Variants in NMUR2 observed in about 807,000 individuals in gnomAD.
NMUR2 encodes the protein neuromedin U receptor 2.
NMUR2 carries 24 observed loss-of-function variants against 25.1 expected under a neutral mutation model. That is an observed-to-expected ratio of 0.96 (90% CI 0.69 to 1.34). The LOEUF (loss-of-function observed/expected upper bound fraction) is 1.34, where lower values mean the gene tolerates loss of function less well. Among genes scored for constraint, NMUR2 ranks in the 40% most tolerant of loss-of-function variants. The pLI, the probability that NMUR2 is intolerant of heterozygous loss-of-function variation, is 0.00. For missense variants in NMUR2, 533 were observed against 512.8 expected, an observed-to-expected ratio of 1.04 and a Z score of -0.38; for synonymous variants, 218 against 208.1, an observed-to-expected ratio of 1.05 and a Z score of -0.41.
chr5:152,392,568 C>G, intron 3 of NMUR2, 67 bp from the exon 4 acceptor site: 1 of 1,289,808 alleles, frequency 7.8e-7, no homozygotes, highest in Non-Finnish European at 1.1e-6. Flanking sequence ...AAGGAAGAAG[C>G]ATAAATATTT....
At chr5:152,394,011 GAGATTT>G (rs1753106685) in intron 3 of NMUR2, among the ~76,000 whole-genome samples, 2 of 150,474 alleles carry the variant, frequency 1.3e-5, no homozygotes, top group Non-Finnish European at 3.0e-5. Context: ...TAGGGTTTAA[GAGATTT>G]AGATTTAATC....
intron 1 of NMUR2, 57 bp from the exon 2 acceptor site, chr5:152,398,201 T>C: frequency 1.6e-6 from 2 of 1,274,444 alleles, no homozygotes; most frequent in Non-Finnish European, 2.3e-6. Context: ...TTTCCTCCTG[T>C]TAAAATCTGA....
In NMUR2 at chr5:152,404,532, A is replaced by G; in HGVS notation, c.582T>C (p.Asn194=). The change falls in exon 1 of 4, where the codon AAT becomes AAC. Residue 194 remains asparagine, a synonymous_variant. Coordinates refer to ENST00000255262, the MANE Select transcript of NMUR2 (RefSeq NM_020167.5). The part of the protein sequence containing the change: ...IHGIKFHYFP[N]GSLVPGSATC... ...TGGCCGAACCTGGGACCAGGGACCC[A>G]TTGGGGAAGTAGTGGAACTTGATGC... 6.2e-7 allele frequency: 1 copy of G among 1,614,138 alleles called. No homozygotes were observed. Among genetic ancestry groups the G allele is most frequent in the Non-Finnish European group, 8.5e-7 (1 of 1,180,026 alleles).
At chr5:152,403,738 CTA>C (rs1753297026) in intron 1 of NMUR2, among the ~76,000 whole-genome samples, 1 of 147,186 alleles carries the variant, frequency 6.8e-6, no homozygotes, top group African/African-American at 2.5e-5. Context: ...ATATATATGA[CTA>C]TATATTATAT....
chr5:152,397,603 T>C (rs1753182333), intron 2 of NMUR2, among the ~76,000 whole-genome samples: 1 of 152,050 alleles, frequency 6.6e-6, no homozygotes, highest in African/African-American at 2.4e-5. Context: ...TCATTTTTTT[T>C]TTTTTTTGGA....
At chr5:152,395,674 C>A in intron 2 of NMUR2, 90 bp from the exon 3 acceptor site, 13 of 1,450,150 alleles carry the variant, frequency 9.0e-6, no homozygotes, top group Non-Finnish European at 1.1e-5. Flanking sequence ...TTTCTTCTGG[C>A]AGTTTTTCCC....
chr5:152,392,698 CA>C (rs1258668094), intron 3 of NMUR2, among the ~76,000 whole-genome samples, 197 bp from the exon 4 acceptor site: 5 of 152,158 alleles, frequency 3.3e-5, no homozygotes, highest in Non-Finnish European at 7.4e-5. Context: ...CCATCAAACA[CA>C]AAGATTAAAG....
intron 3 of NMUR2, among the ~76,000 whole-genome samples, chr5:152,393,748 T>A (rs1163933032): frequency 6.6e-6 from 1 of 152,090 alleles, no homozygotes; most frequent in Non-Finnish European, 1.5e-5. Context: ...ACTGTGATAA[T>A]CATAAAAGAT....
At chr5:152,392,537 A>G in intron 3 of NMUR2, 36 bp from the exon 4 acceptor site, 1 of 1,531,290 alleles carries the variant, frequency 6.5e-7, no homozygotes, top group South Asian at 1.2e-5. Context: ...TGTGCTGAGA[A>G]GAACTTAAGT....
intron 3 of NMUR2, among the ~76,000 whole-genome samples, chr5:152,392,738 G>A (rs565302123): frequency 6.6e-6 from 1 of 152,180 alleles, no homozygotes; most frequent in African/African-American, 2.4e-5. Flanking sequence ...GCTGACATGG[G>A]ATCTCTCTGA....
chr5:152,393,561 T>G (rs920587026), intron 3 of NMUR2, among the ~76,000 whole-genome samples: 16 of 152,230 alleles, frequency 1.1e-4, no homozygotes, highest in African/African-American at 3.9e-4. Context: ...TCAAAGCACA[T>G]TGGGAGGTAG....
chr5:152,400,011 C>G (rs1753226686), intron 1 of NMUR2, among the ~76,000 whole-genome samples: 1 of 152,094 alleles, frequency 6.6e-6, no homozygotes, highest in African/African-American at 2.4e-5. Flanking sequence ...AAGGAATATT[C>G]CAGAAAAGGT....
At chr5:152,395,663 A>G in intron 2 of NMUR2, 79 bp from the exon 3 acceptor site, 1 of 1,507,362 alleles carries the variant, frequency 6.6e-7, no homozygotes, top group Non-Finnish European at 9.0e-7. Flanking sequence ...TGAGTCAATC[A>G]TTTCTTCTGG....
At chr5:152,403,228 C>G (rs924335488) in intron 1 of NMUR2, among the ~76,000 whole-genome samples, 9 of 152,026 alleles carry the variant, frequency 5.9e-5, no homozygotes, top group African/African-American at 1.9e-4. Context: ...ATTTTATACA[C>G]GGGAAAACTA....
chr5:152,395,745 C>A (rs1261128772), intron 2 of NMUR2, among the ~76,000 whole-genome samples, 161 bp from the exon 3 acceptor site: 1 of 149,608 alleles, frequency 6.7e-6, no homozygotes, highest in Non-Finnish European at 1.5e-5. Flanking sequence ...AGTCTCAGTA[C>A]AAAACACTTA....
rs775877497 is a variant in NMUR2 at position 152,398,036 on chromosome 5, CA to C, written c.811+23del. On this transcript the variant is annotated intron_variant, in intron 2 of 3. Coordinates refer to ENST00000255262, the MANE Select transcript of NMUR2 (RefSeq NM_020167.5). ...CTTTGCTCTTATGAACAAAACAAAA[CA>C]AAAAACAAAATGGGGCACTTACACA... is the stretch of plus-strand genomic sequence containing the variant. 4,431 of 1,589,540 alleles carry C rather than the reference CA, an allele frequency of 2.8e-3. 4 individuals carry two copies. The highest frequency in any genetic ancestry group is 3.5e-3 in the Non-Finnish European group (4,094 of 1,159,650).
chr5:152,401,322 A>C (rs1049333041), intron 1 of NMUR2, among the ~76,000 whole-genome samples: 4 of 152,160 alleles, frequency 2.6e-5, no homozygotes, highest in African/African-American at 9.7e-5. Flanking sequence ...GATTACTAAA[A>C]ATTGTGATTA....
chr5:152,403,480 A>AC (rs1384217221), intron 1 of NMUR2, among the ~76,000 whole-genome samples: 5 of 151,964 alleles, frequency 3.3e-5, no homozygotes, highest in Non-Finnish European at 7.4e-5. Flanking sequence ...TAATTTAGAC[A>AC]CCCCCCTTCT....
chr5:152,391,992 C>G lies in NMUR2; in HGVS notation c.*199G>C. On this transcript the variant is annotated 3_prime_UTR_variant, in exon 4 of 4. Transcript: ENST00000255262. Reference sequence around the variant, plus strand: ...GGCAGTTAGGATAGTGGAAAGATAACTAAAAATCAGGCAGTCTTGGGTTTT... The same window carrying G: ...GGCAGTTAGGATAGTGGAAAGATAAGTAAAAATCAGGCAGTCTTGGGTTTT... The G allele has an allele frequency of 1.9e-6, 1 of 535,158 alleles. No individual in the cohort carries two copies. Among genetic ancestry groups the G allele is most frequent in the East Asian group, 3.1e-5 (1 of 32,514 alleles). 33.2% of individuals were successfully genotyped at this position (535,158 alleles called of 1,614,324 possible). A position where few individuals can be genotyped will look rare whatever the true frequency, so the allele number is the denominator to read the frequency against.
Sources: gnomAD v4.1 joint callset for allele counts (sites outside exome capture counted in the v4.1 genomes callset) on GRCh38, gnomAD v4.1.1 for gene constraint, MANE v1.5 for transcripts, NCBI Gene and HGNC (gene_info 2026-07-23, HGNC 2026-07-21) for gene names.